CDC42: variants seen among roughly 807,000 people sequenced by gnomAD.
The protein encoded by CDC42 is cell division cycle 42.
CDC42 carries 1 observed loss-of-function variant against 20.8 expected under a neutral mutation model. That is an observed-to-expected ratio of 0.05 (90% CI 0.02 to 0.23). The LOEUF (loss-of-function observed/expected upper bound fraction) is 0.23. CDC42 is among the 10% of genes least tolerant of loss of function. CDC42 has a pLI of 1.00. For synonymous variants in CDC42, 72 were observed against 84.8 expected, an observed-to-expected ratio of 0.85 and a Z score of 0.83; for missense variants, 49 against 227.9, an observed-to-expected ratio of 0.21 and a Z score of 5.05.
chr1:22,073,737 C>CTGCA (rs1645518136), intron 1 of CDC42, among the ~76,000 whole-genome samples: 1 of 152,128 alleles, frequency 6.6e-6, no homozygotes, highest in Non-Finnish European at 1.5e-5. Context: ...TCATAGCCAA[C>CTGCA]TGCAGCCTTG....
Position 22,100,188 on chromosome 1 carries a change from G to T in CDC42, c.*8671G>T, listed in dbSNP as rs1382782291. ...TTCATTAGCTTGACCCAAGCACAGG[G>T]AGATGACTGGGGCTCTGCCTTCATC... On this transcript the variant is annotated 3_prime_UTR_variant, in exon 6 of 6. Transcript: ENST00000656825. Among the ~76,000 whole-genome samples, 2 of 152,078 alleles carry T rather than the reference G, an allele frequency of 1.3e-5. No homozygotes were observed. Among genetic ancestry groups the T allele is most frequent in the Non-Finnish European group, 2.9e-5 (2 of 68,020 alleles).
intron 1 of CDC42, chr1:22,059,460 T>C (rs1645338867): frequency 2.0e-5 from 3 of 152,222 alleles, no homozygotes; most frequent in Admixed American, 6.5e-5. Context: ...CTGCTTTCTT[T>C]GCTAAAATCA....
chr1:22,062,229 C>T (rs991711537), intron 1 of CDC42, among the ~76,000 whole-genome samples: 1 of 152,160 alleles, frequency 6.6e-6, no homozygotes, highest in Non-Finnish European at 1.5e-5. Context: ...AGCCTCCATG[C>T]CTGGCTGTTT....
rs1570049078 is a variant in CDC42 at position 22,091,592 on chromosome 1, A to T, written c.*75A>T. 9.2e-7 allele frequency: 1 copy of T among 1,086,204 alleles called. No individual in the cohort carries two copies. The highest frequency in any genetic ancestry group is 2.4e-5 in the East Asian group (1 of 41,476). 67.3% of individuals were successfully genotyped at this position (1,086,204 alleles called of 1,614,324 possible). A position where few individuals can be genotyped will look rare whatever the true frequency, so the allele number is the denominator to read the frequency against. ...AAGCAATGTTTAAATCAAACTAAAG[A>T]TTAAAAATTAAAATTCGTTTTTGCA... On this transcript the variant is annotated 3_prime_UTR_variant, in exon 6 of 6. Transcript: ENST00000656825.
chr1:22,063,495 C>T (rs1483471297), intron 1 of CDC42, among the ~76,000 whole-genome samples: 6 of 152,148 alleles, frequency 3.9e-5, no homozygotes, highest in African/African-American at 7.2e-5. Flanking sequence ...AATAGGATTT[C>T]GTTCTTCCAA....
chr1:22,086,942 C>T, intron 5 of CDC42, 76 bp downstream of exon 5: 2 of 1,234,298 alleles, frequency 1.6e-6, no homozygotes, highest in East Asian at 4.7e-5. Context: ...GGAGTTATTT[C>T]TAACAGTGAT....
chr1:22,078,410 G>A lies in CDC42; in HGVS notation c.-50-19G>A. ...CATATGTAAGTATAAATAAACAAAT[G>A]TCTTTAATCTTTTTGCAGGTCATCA... On this transcript the variant is annotated intron_variant, in intron 1 of 5. Coordinates refer to ENST00000656825, the MANE Select transcript of CDC42 (RefSeq NM_001791.4). 8.4e-7 allele frequency: 1 copy of A among 1,192,084 alleles called. No homozygotes were observed. The highest frequency in any genetic ancestry group is 1.2e-6 in the Non-Finnish European group (1 of 819,522). 73.8% of individuals were successfully genotyped at this position (1,192,084 alleles called of 1,614,324 possible).
At chr1:22,074,901 C>T (rs1645532283) in intron 1 of CDC42, among the ~76,000 whole-genome samples, 1 of 152,140 alleles carries the variant, frequency 6.6e-6, no homozygotes, top group African/African-American at 2.4e-5. Context: ...TCAGAGCTAC[C>T]TTTCTTGTAA....
intron 1 of CDC42, chr1:22,068,491 TTTC>T (rs1274754149): frequency 9.1e-5 from 14 of 153,354 alleles, no homozygotes; most frequent in African/African-American, 3.4e-4. Flanking sequence ...CTTCTAGCCA[TTTC>T]TTCTTCATCT....
intron 1 of CDC42, chr1:22,074,353 G>A (rs1345303770): frequency 6.6e-6 from 1 of 152,320 alleles, no homozygotes; most frequent in Non-Finnish European, 1.5e-5. Flanking sequence ...TGGGATTACA[G>A]GCATGAGGCA....
In CDC42 at chr1:22,081,736, T is replaced by C. The variant is rs773477556; in HGVS notation, c.120T>C (p.Tyr40=). Residue 40 remains tyrosine (Y), a synonymous_variant, in exon 3 of 6, where the codon TAT becomes TAC. Transcript: ENST00000656825. ...SEYVPTVFDN[Y]AVTVMIGGEP... ...TTTGTTTTTAGGTTTTTGACAACTA[T>C]GCAGTCACAGTTATGATTGGTGGAG... The C allele has an allele frequency of 1.2e-6, 2 of 1,611,594 alleles. No homozygotes were observed. The highest frequency in any genetic ancestry group is 2.2e-5 in the South Asian group (2 of 90,944).
chr1:22,086,348 G>A (rs1360071530), intron 3 of CDC42, 91 bp from the exon 4 acceptor site: 2 of 751,204 alleles, frequency 2.7e-6, no homozygotes, highest in Non-Finnish European at 4.5e-6. Context: ...TAAGTAAGTT[G>A]CTTTTTGAGT....
intron 1 of CDC42, among the ~76,000 whole-genome samples, chr1:22,054,763 T>C (rs2152825047): frequency 6.6e-6 from 1 of 151,742 alleles, no homozygotes; most frequent in East Asian, 1.9e-4. Flanking sequence ...TTAGCCTTGA[T>C]GTAATATTTT....
In CDC42 at chr1:22,086,980, A is replaced by G. The variant is rs774019977; in HGVS notation, c.486+114A>G. Reference sequence around the variant, plus strand: ...GCAGTGCTCAAAGATGCCCAGCAAGAATATGAACAGCTTCATATTGTATGT... The same window carrying G: ...GCAGTGCTCAAAGATGCCCAGCAAGGATATGAACAGCTTCATATTGTATGT... On this transcript the variant is annotated intron_variant, in intron 5 of 5. Transcript: ENST00000656825. 8.6e-6 allele frequency: 7 copies of G among 814,118 alleles called. No individual in the cohort carries two copies. In the Middle Eastern group the frequency reaches 6.9e-4, roughly 80 times the overall value. 50.4% of individuals were successfully genotyped at this position (814,118 alleles called of 1,614,324 possible).
chr1:22,096,112 A>G lies in CDC42; in HGVS notation c.*4595A>G, dbSNP rs994436996. On this transcript the variant is annotated 3_prime_UTR_variant, in exon 6 of 6. Coordinates refer to ENST00000656825, the MANE Select transcript of CDC42 (RefSeq NM_001791.4). Reference sequence around the variant, plus strand: ...GTAGCTGGGATTACAGGTGTCTGCCACTGCGCCCGGCTAATTTTTTGTATT... The same window carrying G: ...GTAGCTGGGATTACAGGTGTCTGCCGCTGCGCCCGGCTAATTTTTTGTATT... 6.6e-6 allele frequency among the ~76,000 whole-genome samples: 1 copy of G among 152,044 alleles called. No individual in the cohort carries two copies. Among genetic ancestry groups the G allele is most frequent in the African/African-American group, 2.4e-5 (1 of 41,392 alleles).
chr1:22,093,814 G>A lies in CDC42; in HGVS notation c.*2297G>A, dbSNP rs1039907189. Among the ~76,000 whole-genome samples, 2 of 152,176 alleles carry A rather than the reference G, an allele frequency of 1.3e-5. No individual in the cohort carries two copies. Among genetic ancestry groups the A allele is most frequent in the Admixed American group, 6.5e-5 (1 of 15,278 alleles). ...TCCTTAGTGTAGTCAGGGGCGTATA[G>A]GTCCTTGACTATTGCTATATCTTTG... On this transcript the variant is annotated 3_prime_UTR_variant, in exon 6 of 6. Transcript: ENST00000656825.
At position 22,098,982 on chromosome 1, in the gene CDC42, C is replaced by T. The variant is rs978976346; in HGVS notation, c.*7465C>T. Among the ~76,000 whole-genome samples, 4 of 152,212 alleles carry T rather than the reference C, an allele frequency of 2.6e-5. No homozygotes were observed. The highest frequency in any genetic ancestry group is 7.2e-5 in the African/African-American group (3 of 41,458). On this transcript the variant is annotated 3_prime_UTR_variant, in exon 6 of 6. Coordinates refer to ENST00000656825, the MANE Select transcript of CDC42 (RefSeq NM_001791.4). ...CCATTTTACCCAGGCTGGTCTCGAACTCCTGAGCTGATCCTCCCACCTCGG... is the reference window on the plus strand; with the variant it reads ...CCATTTTACCCAGGCTGGTCTCGAATTCCTGAGCTGATCCTCCCACCTCGG...
intron 3 of CDC42, among the ~76,000 whole-genome samples, chr1:22,082,936 A>T (rs1257322921): frequency 6.7e-6 from 1 of 148,340 alleles, no homozygotes; most frequent in Non-Finnish European, 1.5e-5. Flanking sequence ...CTGGAGTGCA[A>T]TGGTGCAATC....
intron 2 of CDC42, among the ~76,000 whole-genome samples, chr1:22,079,953 G>A (rs915636565): frequency 1.6e-4 from 25 of 152,140 alleles, no homozygotes; most frequent in Non-Finnish European, 2.9e-5. Flanking sequence ...TAAATGAACC[G>A]ATTTAGGTAA....
Sources: allele counts gnomAD v4.1 joint callset (sites outside exome capture counted in the v4.1 genomes callset), GRCh38; gene constraint gnomAD v4.1.1; transcripts MANE v1.5; gene names NCBI Gene and HGNC (gene_info 2026-07-23, HGNC 2026-07-21).